Variants in CDH12 observed in about 807,000 individuals in gnomAD.
The protein encoded by CDH12 is cadherin 12.
In CDH12, 41 loss-of-function variants were observed where a neutral mutation model predicts 74.1. The observed-to-expected ratio is 0.55, with a 90% CI of 0.43 to 0.72. The LOEUF (loss-of-function observed/expected upper bound fraction) is 0.72. CDH12 is among the 30% of genes least tolerant of loss of function. The pLI, the probability that CDH12 is intolerant of heterozygous loss-of-function variation, is 0.00. For synonymous variants in CDH12, 399 were observed against 355.0 expected, an observed-to-expected ratio of 1.12 and a Z score of -1.39; for missense variants, 945 against 977.2, an observed-to-expected ratio of 0.97 and a Z score of 0.44.
intron 6 of CDH12, among the ~76,000 whole-genome samples, chr5:21,875,027 G>A: frequency 6.6e-6 from 1 of 152,128 alleles, no homozygotes; most frequent in Admixed American, 6.5e-5. Context: ...AGCACTATGA[G>A]ATAGCATCTC....
chr5:22,286,720 A>T (rs1000700510), intron 3 of CDH12, among the ~76,000 whole-genome samples: 11 of 152,076 alleles, frequency 7.2e-5, no homozygotes, highest in African/African-American at 2.7e-4. Context: ...GCAGTGAGTC[A>T]ATAACTTGCA....
rs568480122 is a variant in CDH12 at position 21,985,995 on chromosome 5, A to G, written c.232-10610T>C. ...TGACTCATTTGTTCTCCCTAGTTTA[A>G]TTGTTGCTATATGAGCAAGAGGGAT... On this transcript the variant is annotated intron_variant, in intron 5 of 14. Transcript: ENST00000382254. 2.1e-4 allele frequency among the ~76,000 whole-genome samples: 32 copies of G among 152,180 alleles called. No homozygotes were observed. In the East Asian group the frequency reaches 6.2e-3, roughly 29 times the overall value.
chr5:21,882,696 GAGCCTTA>G (rs1482346352), intron 6 of CDH12: 1 of 1,547,632 alleles, frequency 6.5e-7, no homozygotes, highest in African/African-American at 1.7e-5. Flanking sequence ...GCAGATGCCC[GAGCCTTA>G]ATGCTTCAAG....
chr5:22,017,368 G>T (rs1737671230), intron 5 of CDH12, among the ~76,000 whole-genome samples: 1 of 151,986 alleles, frequency 6.6e-6, no homozygotes, highest in South Asian at 2.1e-4. Context: ...CCAGATAAAG[G>T]GAACTGTAAC....
chr5:22,287,733 A>G (rs1297020675), intron 3 of CDH12, among the ~76,000 whole-genome samples: 1 of 151,732 alleles, frequency 6.6e-6, no homozygotes, highest in Non-Finnish European at 1.5e-5. Flanking sequence ...AAAAAAAAAA[A>G]AAAAAAAATG....
At chr5:21,873,830 C>T (rs1439903473) in intron 6 of CDH12, among the ~76,000 whole-genome samples, 3 of 151,810 alleles carry the variant, frequency 2.0e-5, no homozygotes, top group Non-Finnish European at 4.4e-5. Context: ...GTTTCCCTCC[C>T]TGTGTTCTCA....
At chr5:22,034,948 C>G (rs77851551) in intron 5 of CDH12, among the ~76,000 whole-genome samples, 1,547 of 152,220 alleles carry the variant, frequency 0.01, 16 homozygotes, top group African/African-American at 0.036. Flanking sequence ...AAATCTACAA[C>G]TTTAGGCAAA....
intron 1 of CDH12, among the ~76,000 whole-genome samples, chr5:22,829,944 T>C (rs1468696990): frequency 3.9e-5 from 6 of 152,190 alleles, no homozygotes; most frequent in African/African-American, 1.2e-4. Context: ...TTTTTAACGT[T>C]AGTGGTTTTC....
At chr5:22,614,756 A>T (rs1737606480) in intron 1 of CDH12, among the ~76,000 whole-genome samples, 1 of 152,102 alleles carries the variant, frequency 6.6e-6, no homozygotes, top group Non-Finnish European at 1.5e-5. Flanking sequence ...ATATGTTCCA[A>T]TATCCCCAGT....
intron 3 of CDH12, among the ~76,000 whole-genome samples, chr5:22,368,716 T>C (rs995124107): frequency 6.6e-6 from 1 of 152,216 alleles, no homozygotes; most frequent in Non-Finnish European, 1.5e-5. Flanking sequence ...AGTATTGACA[T>C]AAATGCTTGA....
chr5:22,540,459 G>T (rs1738054832), intron 1 of CDH12, among the ~76,000 whole-genome samples: 2 of 152,026 alleles, frequency 1.3e-5, no homozygotes, highest in Admixed American at 1.3e-4. Context: ...TTTTTAAACA[G>T]CTACCTTCAC....
intron 6 of CDH12, among the ~76,000 whole-genome samples, chr5:21,953,922 G>C (rs974630810): frequency 1.3e-5 from 2 of 152,040 alleles, no homozygotes; most frequent in African/African-American, 2.4e-5. Flanking sequence ...ATGTCTCTCA[G>C]ACTATATCTA....
rs1013765415 is a variant in CDH12 at position 22,405,071 on chromosome 5, G to A, written c.-333+186C>T. 5.3e-5 allele frequency among the ~76,000 whole-genome samples: 8 copies of A among 152,124 alleles called. No individual in the cohort carries two copies. The South Asian group carries it at 1.2e-3, about 24-fold the overall frequency. ...CTATAAATACAAAAATTAGCCAGGC[G>A]TGGTGGTGGGCGCCTGTAATCCCAG... On this transcript the variant is annotated intron_variant, in intron 3 of 14. Transcript: ENST00000382254.
At chr5:22,059,326 GTCTATCTATCATCTATCTA>G (rs1353322366) in intron 5 of CDH12, among the ~76,000 whole-genome samples, 1 of 139,010 alleles carries the variant, frequency 7.2e-6, no homozygotes, top group African/African-American at 2.8e-5. Context: ...TCCATCTATC[GTCTATCTATCATCTATCTA>G]TCTATCTATC....
intron 3 of CDH12, among the ~76,000 whole-genome samples, chr5:22,242,871 A>G (rs1018657342): frequency 1.3e-5 from 2 of 152,108 alleles, no homozygotes; most frequent in African/African-American, 4.8e-5. Context: ...ACTAGATTTG[A>G]TAAAGTCAAC....
At chr5:22,122,347 G>A (rs1745566442) in intron 4 of CDH12, among the ~76,000 whole-genome samples, 1 of 152,176 alleles carries the variant, frequency 6.6e-6, no homozygotes, top group Non-Finnish European at 1.5e-5. Context: ...AGGTTGCAGT[G>A]AGCTGAAATC....
chr5:22,126,910 C>A (rs1248074868), intron 4 of CDH12, among the ~76,000 whole-genome samples: 2 of 152,124 alleles, frequency 1.3e-5, no homozygotes, highest in African/African-American at 4.8e-5. Flanking sequence ...CTCATGTTCC[C>A]CATACATTTA....
At chr5:22,630,912 A>G (rs1320217931) in intron 1 of CDH12, among the ~76,000 whole-genome samples, 1 of 152,214 alleles carries the variant, frequency 6.6e-6, no homozygotes, top group East Asian at 1.9e-4. Context: ...AGTGTCCAGA[A>G]TCTATAAGGA....
intron 4 of CDH12, among the ~76,000 whole-genome samples, chr5:22,199,976 CT>C (rs1344151485): frequency 1.3e-5 from 2 of 152,196 alleles, no homozygotes; most frequent in African/African-American, 4.8e-5. Flanking sequence ...AACTGTGTTT[CT>C]GCAAGGATTG....
Sources: gnomAD v4.1 joint callset for allele counts (sites outside exome capture counted in the v4.1 genomes callset) on GRCh38, gnomAD v4.1.1 for gene constraint, MANE v1.5 for transcripts, NCBI Gene and HGNC (gene_info 2026-07-23, HGNC 2026-07-21) for gene names.